The following DPF3 variants were observed in gnomAD, a reference collection of about 807,000 sequenced individuals.
DPF3 encodes zinc finger protein DPF3.
In DPF3, 18 loss-of-function variants were observed where a neutral mutation model predicts 56.8. The observed-to-expected ratio is 0.32, with a 90% CI of 0.22 to 0.47. DPF3 has a LOEUF of 0.47. Ranked by LOEUF, DPF3 falls within the 20% of genes least tolerant of loss-of-function variation. The probability of loss-of-function intolerance (pLI) is 1.00; values close to 1 mark genes in which losing one functional copy is unlikely to be tolerated. For synonymous variants in DPF3, 188 were observed against 180.2 expected (o/e 1.04, Z -0.35); for missense variants, 403 against 488.8 (o/e 0.82, Z 1.65).
In DPF3 at chr14:72,780,756, C is replaced by T. The variant is rs139202173; in HGVS notation, c.33-8863G>A. Among the ~76,000 whole-genome samples, 239 of 150,914 alleles carry T rather than the reference C, an allele frequency of 1.6e-3. 2 individuals carry two copies. Among genetic ancestry groups the T allele is most frequent in the Admixed American group, 7.1e-3 (107 of 15,050 alleles). ...TGCTACCCTGCAAGGTGCCACAGAA[C>T]TGACATTCTCCTTCTCTGAACTTTA... On this transcript the variant is annotated intron_variant, in intron 1 of 10. Coordinates refer to ENST00000556509, the MANE Select transcript of DPF3 (RefSeq NM_001280542.3).
intron 8 of DPF3, among the ~76,000 whole-genome samples, chr14:72,663,289 T>C (rs1886303376): frequency 6.6e-6 from 1 of 151,368 alleles, no homozygotes; most frequent in Non-Finnish European, 1.5e-5. Flanking sequence ...CAAGTAGAAA[T>C]GAGTAGTTCT....
intron 7 of DPF3, chr14:72,679,414 A>T (rs1164342308): frequency 6.6e-6 from 1 of 152,614 alleles, no homozygotes; most frequent in East Asian, 1.9e-4. Flanking sequence ...TGGTGTGCAC[A>T]AATGCGCGGC....
chr14:72,702,341 T>C lies in DPF3; in HGVS notation c.605-9128A>G, dbSNP rs183386260. The stretch of plus-strand genomic sequence containing the variant: ...GGCACTGTGCTATACAGGGGCTGTA[T>C]AGGGGCCCACCTCCAAGACTCCAGT... On this transcript the variant is annotated intron_variant, in intron 6 of 10. Transcript: ENST00000556509. 2.2e-3 allele frequency among the ~76,000 whole-genome samples: 332 copies of C among 152,206 alleles called. 2 individuals are homozygous for C. Among genetic ancestry groups the C allele is most frequent in the African/African-American group, 7.1e-3 (295 of 41,534 alleles).
intron 1 of DPF3, among the ~76,000 whole-genome samples, chr14:72,858,233 G>A (rs1009100455): frequency 6.6e-6 from 1 of 151,652 alleles, no homozygotes; most frequent in African/African-American, 2.4e-5. Flanking sequence ...GCTTGAGCCT[G>A]GGAGGCGGAG....
At chr14:72,713,538 G>A (rs939556657) in intron 6 of DPF3, among the ~76,000 whole-genome samples, 1 of 152,150 alleles carries the variant, frequency 6.6e-6, no homozygotes, top group Non-Finnish European at 1.5e-5. Flanking sequence ...TGCCATCCTC[G>A]CTGCAGCCTC....
At chr14:72,629,933 G>A (rs1885072230) in intron 8 of DPF3, among the ~76,000 whole-genome samples, 197 bp from the exon 9 acceptor site, 1 of 152,106 alleles carries the variant, frequency 6.6e-6, no homozygotes, top group Non-Finnish European at 1.5e-5. Context: ...GCAAAACAGA[G>A]ATATAAGCAC....
At chr14:72,820,258 C>A (rs1883474315) in intron 1 of DPF3, among the ~76,000 whole-genome samples, 1 of 152,002 alleles carries the variant, frequency 6.6e-6, no homozygotes, top group Non-Finnish European at 1.5e-5. Flanking sequence ...TACAAAATGT[C>A]ATGCAAATTG....
intron 1 of DPF3, among the ~76,000 whole-genome samples, chr14:72,833,621 G>A (rs1280104991): frequency 6.6e-6 from 1 of 152,070 alleles, no homozygotes; most frequent in Non-Finnish European, 1.5e-5. Flanking sequence ...AAAACGTTGA[G>A]GAGTAGCCAA....
rs1481200946 is a variant in DPF3, at chr14:72,846,055, A to T, written c.32+48002T>A. On this transcript the variant is annotated intron_variant, in intron 1 of 10. Transcript: ENST00000556509. ...TGCCCACCACCCCTTTATTTAGCTA[A>T]GTAGCAGAGTTTTTATTTTACTGTT... Among the ~76,000 whole-genome samples, 3 of 150,144 alleles carry T rather than the reference A, an allele frequency of 2.0e-5. No individual in the cohort carries two copies. In the East Asian group the frequency reaches 5.8e-4, roughly 29 times the overall value.
At chr14:72,651,122 C>T (rs1030459977) in intron 8 of DPF3, among the ~76,000 whole-genome samples, 9 of 152,186 alleles carry the variant, frequency 5.9e-5, no homozygotes, top group African/African-American at 1.4e-4. Flanking sequence ...GAAGAGGTGG[C>T]GCAGAGCTAG....
intron 1 of DPF3, among the ~76,000 whole-genome samples, chr14:72,857,572 A>G (rs114805477): frequency 0.01 from 1,526 of 151,796 alleles, 19 homozygotes; most frequent in African/African-American, 0.035. Flanking sequence ...GAAGTAGGCA[A>G]TGAGTTTTTT....
At chr14:72,754,810 A>G (rs933730975) in intron 2 of DPF3, among the ~76,000 whole-genome samples, 1 of 152,230 alleles carries the variant, frequency 6.6e-6, no homozygotes, top group Non-Finnish European at 1.5e-5. Context: ...AACAAAGTCA[A>G]TTATCCCAGC....
chr14:72,826,382 C>T (rs1883802460), intron 1 of DPF3, among the ~76,000 whole-genome samples: 1 of 152,154 alleles, frequency 6.6e-6, no homozygotes, highest in African/African-American at 2.4e-5. Context: ...ACTCTCCGCT[C>T]CTCCTTTCTG....
intron 1 of DPF3, 99 bp from the exon 2 acceptor site, chr14:72,771,992 G>A: frequency 7.8e-7 from 1 of 1,284,312 alleles, no homozygotes; most frequent in Non-Finnish European, 1.0e-6. Context: ...TGGAAAGACT[G>A]AAGACCTCCC....
At position 72,787,068 on chromosome 14, in the gene DPF3, C is replaced by T. The variant is rs909829069; in HGVS notation, c.33-15175G>A. Among the ~76,000 whole-genome samples, 8 of 152,358 alleles carry T rather than the reference C, an allele frequency of 5.3e-5. 1 individual carries two copies. The South Asian group carries it at 6.2e-4, about 12-fold the overall frequency. ...TGATTTTCTCTGTCAAAGGCGATGG[C>T]GCCAAAACCCTCCTGTGCCCCTCAC... On this transcript the variant is annotated intron_variant, in intron 1 of 10. Transcript: ENST00000556509.
At chr14:72,725,431 G>C (rs1482662150) in intron 4 of DPF3, among the ~76,000 whole-genome samples, 1 of 152,062 alleles carries the variant, frequency 6.6e-6, no homozygotes, top group Non-Finnish European at 1.5e-5. Flanking sequence ...TGAGGACAGA[G>C]GGGAGGGAGG....
intron 1 of DPF3, among the ~76,000 whole-genome samples, chr14:72,795,592 C>T (rs1892617238): frequency 6.6e-6 from 1 of 152,250 alleles, no homozygotes; most frequent in African/African-American, 2.4e-5. Flanking sequence ...TTGGTTCTAT[C>T]AGACCCAGTC....
chr14:72,693,735 CACA>C (rs919070877), intron 6 of DPF3, among the ~76,000 whole-genome samples: 2 of 152,214 alleles, frequency 1.3e-5, no homozygotes, highest in Admixed American at 6.5e-5. Flanking sequence ...CCCAGGAGCA[CACA>C]ACTAGTGTGG....
intron 7 of DPF3, among the ~76,000 whole-genome samples, chr14:72,686,431 C>T (rs866031659): frequency 6.6e-6 from 1 of 152,218 alleles, no homozygotes; most frequent in Admixed American, 6.5e-5. Context: ...ATAGATGAGG[C>T]AACTAAGAAG....
Sources: gnomAD v4.1 joint callset for allele counts (sites outside exome capture counted in the v4.1 genomes callset) on GRCh38, gnomAD v4.1.1 for gene constraint, MANE v1.5 for transcripts, NCBI Gene and HGNC (gene_info 2026-07-23, HGNC 2026-07-21) for gene names.